RNPEP: variants seen among roughly 807,000 people sequenced by gnomAD.
The protein encoded by RNPEP is aminopeptidase B.
In RNPEP, 57 loss-of-function variants were observed where a neutral mutation model predicts 70.1. That is an observed-to-expected ratio of 0.81 (90% CI 0.66 to 1.01). The LOEUF is 1.01. RNPEP is among the 50% of genes least tolerant of loss of function. The pLI, the probability that RNPEP is intolerant of heterozygous loss-of-function variation, is 0.00. For synonymous variants in RNPEP, 335 were observed against 357.4 expected, an observed-to-expected ratio of 0.94 and a Z score of 0.71; for missense variants, 787 against 852.4, an observed-to-expected ratio of 0.92 and a Z score of 0.96.
rs546546945 is a variant in RNPEP at position 201,990,931 on chromosome 1, A to C, written c.737+1400A>C. 5.4e-4 allele frequency among the ~76,000 whole-genome samples: 83 copies of C among 152,314 alleles called. 1 individual carries two copies. The highest frequency in any genetic ancestry group is 2.6e-4 in the Non-Finnish European group (18 of 68,026). On this transcript the variant is annotated intron_variant, in intron 3 of 10. Transcript: ENST00000295640. ...TGAACTATTAATGGGAAATGAGAGAACAATAGATTCTAAAGATACTGAGTG... is the reference window on the plus strand; with the variant it reads ...TGAACTATTAATGGGAAATGAGAGACCAATAGATTCTAAAGATACTGAGTG...
chr1:202,003,092 A>C (rs1209245812), intron 8 of RNPEP, 145 bp from the exon 9 acceptor site: 1 of 626,316 alleles, frequency 1.6e-6, no homozygotes, highest in East Asian at 2.8e-5. Flanking sequence ...TGGAGCGAAT[A>C]GTTACATGGG....
Position 202,005,710 on chromosome 1 carries a change from C to T in RNPEP, c.1947C>T (p.Gly649=). The part of the protein sequence containing the change: ...NYVQQIVAPK[G]S ...TCCAGCAGATCGTGGCACCCAAGGG[C>T]AGTTAGAGGCTCGTGTGCATGGCCC... The change falls in exon 11 of 11, where the codon GGC becomes GGT. Residue 649 remains glycine (G), a synonymous_variant. Coordinates refer to ENST00000295640, the MANE Select transcript of RNPEP (RefSeq NM_020216.4). 6.2e-7 allele frequency: 1 copy of T among 1,614,196 alleles called. No individual in the cohort carries two copies. Among genetic ancestry groups the T allele is most frequent in the Non-Finnish European group, 8.5e-7 (1 of 1,179,986 alleles).
intron 1 of RNPEP, among the ~76,000 whole-genome samples, chr1:201,988,390 C>T (rs1683204260): frequency 7.3e-6 from 1 of 136,766 alleles, no homozygotes; most frequent in Non-Finnish European, 1.5e-5. Context: ...CCTGGGAGGT[C>T]GAGGTTGCAG....
At position 202,004,418 on chromosome 1, in the gene RNPEP, G is replaced by C; in HGVS notation, c.1716G>C (p.Arg572=). The change falls in exon 10 of 11, where the codon CGG becomes CGC. Residue 572 remains arginine, a synonymous_variant. Coordinates refer to ENST00000295640, the MANE Select transcript of RNPEP (RefSeq NM_020216.4). ...SISNARNAEL[R]LRWGQIVLKN... is the part of the protein sequence containing the mutation. ...CAAATGCCCGGAATGCAGAGCTCCGGCTGCGATGGGGCCAAATCGTCCTTA... is the reference window on the plus strand; with the variant it reads ...CAAATGCCCGGAATGCAGAGCTCCGCCTGCGATGGGGCCAAATCGTCCTTA... 4 of 1,614,158 alleles carry C rather than the reference G, an allele frequency of 2.5e-6. No homozygotes were observed. The highest frequency in any genetic ancestry group is 3.4e-6 in the Non-Finnish European group (4 of 1,180,026).
At chr1:201,992,655 G>A (rs1457605707) in intron 3 of RNPEP, among the ~76,000 whole-genome samples, 2 of 152,006 alleles carry the variant, frequency 1.3e-5, no homozygotes, top group African/African-American at 4.8e-5. Flanking sequence ...CAAGTGTGTG[G>A]TTGGTTACCT....
chr1:201,991,169 C>T (rs1683318551), intron 3 of RNPEP, among the ~76,000 whole-genome samples: 1 of 152,090 alleles, frequency 6.6e-6, no homozygotes, highest in Admixed American at 6.6e-5. Flanking sequence ...GGCTGGAGTG[C>T]AGTGGCGCGA....
intron 10 of RNPEP, among the ~76,000 whole-genome samples, chr1:202,004,796 G>A (rs1484477501): frequency 6.6e-6 from 1 of 152,266 alleles, no homozygotes; most frequent in Non-Finnish European, 1.5e-5. Context: ...GTGTCATGTG[G>A]GAAACACAAG....
Position 201,996,127 on chromosome 1 carries a change from C to A in RNPEP, c.738-20C>A, listed in dbSNP as rs754739719. On this transcript the variant is annotated intron_variant, in intron 3 of 10. Coordinates refer to ENST00000295640, the MANE Select transcript of RNPEP (RefSeq NM_020216.4). ...TGGTCTCTAAACACCATTCTGCTTT[C>A]TCTGCTCTCTTGTCTTTAGGAGCCG... 5.0e-5 allele frequency: 80 copies of A among 1,596,598 alleles called. No individual in the cohort carries two copies. The highest frequency in any genetic ancestry group is 5.0e-4 in the Middle Eastern group (3 of 6,032).
In RNPEP at chr1:202,004,411, A is replaced by T; in HGVS notation, c.1709A>T (p.Glu570Val). ...AGTATCTCAAATGCCCGGAATGCAG[A>T]GCTCCGGCTGCGATGGGGCCAAATC... Reference protein sequence around the residue: ...YPSISNARNAELRLRWGQIVL... With the variant: ...YPSISNARNAVLRLRWGQIVL... The change falls in exon 10 of 11, where the codon GAG (glutamate) becomes GTG (valine). Residue 570 changes from glutamate (E) to valine (V), a missense_variant. Glu to Val is a moderately radical substitution (Grantham distance 121). Coordinates refer to ENST00000295640, the MANE Select transcript of RNPEP (RefSeq NM_020216.4). 6.2e-7 allele frequency: 1 copy of T among 1,614,184 alleles called. No individual in the cohort carries two copies. Among genetic ancestry groups the T allele is most frequent in the South Asian group, 1.1e-5 (1 of 91,088 alleles).
At position 202,003,364 on chromosome 1, in the gene RNPEP, C is replaced by T; in HGVS notation, c.1554C>T (p.Asp518=). The T allele has an allele frequency of 6.2e-7, 1 of 1,614,136 alleles. No individual in the cohort carries two copies. The highest frequency in any genetic ancestry group is 8.5e-7 in the Non-Finnish European group (1 of 1,180,002). The part of the protein sequence containing the change: ...LAQLWAAEEL[D]MKAIEAVAIS... ...AACTGTGGGCAGCCGAGGAGCTGGA[C>T]ATGAAGGCCATTGAAGCCGTGGCCA... Residue 518 remains aspartate (D), a synonymous_variant, in exon 9 of 11, where the codon GAC becomes GAT. Transcript: ENST00000295640.
chr1:201,984,736 T>C (rs1236138231), intron 1 of RNPEP, among the ~76,000 whole-genome samples: 1 of 152,124 alleles, frequency 6.6e-6, no homozygotes, highest in Non-Finnish European at 1.5e-5. Context: ...TTAAATGAGT[T>C]GTCTTTCCAT....
chr1:201,996,481 G>GTGTT (rs1160753727), intron 4 of RNPEP: 11 of 323,466 alleles, frequency 3.4e-5, no homozygotes, highest in Admixed American at 4.6e-5. Flanking sequence ...GTGTGTGTGT[G>GTGTT]TGTGTGTGTG....
At chr1:202,000,989 G>T in intron 6 of RNPEP, 1 of 193,836 alleles carries the variant, frequency 5.2e-6, no homozygotes. Flanking sequence ...GGTGCTCAGT[G>T]GGAAATGCTG....
In RNPEP at chr1:202,003,077, C is replaced by T. The variant is rs147476345; in HGVS notation, c.1427-160C>T. On this transcript the variant is annotated intron_variant, in intron 8 of 10. Transcript: ENST00000295640. ...CTCTAGATGTCGTTATAACTAGGAC[C>T]CTGCTGGAGCGAATAGTTACATGGG... 34 of 608,200 alleles carry T rather than the reference C, an allele frequency of 5.6e-5. No individual in the cohort carries two copies. In the East Asian group the frequency reaches 7.0e-4, roughly 12 times the overall value. 37.7% of individuals were successfully genotyped at this position (608,200 alleles called of 1,614,324 possible).
chr1:201,988,654 C>T (rs1368574878), intron 1 of RNPEP, among the ~76,000 whole-genome samples: 1 of 152,030 alleles, frequency 6.6e-6, no homozygotes, highest in African/African-American at 2.4e-5. Flanking sequence ...TCTGAGATGA[C>T]CCATGGGATG....
chr1:201,987,615 T>G (rs560941164), intron 1 of RNPEP, among the ~76,000 whole-genome samples: 2 of 151,662 alleles, frequency 1.3e-5, no homozygotes, highest in South Asian at 4.2e-4. Flanking sequence ...TTTTTGTATT[T>G]TTAGTAGCAA....
intron 6 of RNPEP, 83 bp downstream of exon 6, chr1:202,000,098 G>T: frequency 1.0e-6 from 1 of 979,754 alleles, no homozygotes; most frequent in Non-Finnish European, 1.6e-6. Context: ...ATGTTGATCA[G>T]TGCACGCTTA....
chr1:202,005,730 T>A lies in RNPEP; in HGVS notation c.*14T>A, dbSNP rs769990348. The A allele has an allele frequency of 6.2e-7, 1 of 1,613,788 alleles. No individual in the cohort carries two copies. The highest frequency in any genetic ancestry group is 1.1e-5 in the South Asian group (1 of 91,076). ...AAGGGCAGTTAGAGGCTCGTGTGCA[T>A]GGCCCCTGCCTCTTCAGGCTCTCCA... is the stretch of plus-strand genomic sequence containing the variant. On this transcript the variant is annotated 3_prime_UTR_variant, in exon 11 of 11. Coordinates refer to ENST00000295640, the MANE Select transcript of RNPEP (RefSeq NM_020216.4).
chr1:201,992,313 A>G (rs1291143421), intron 3 of RNPEP, among the ~76,000 whole-genome samples: 1 of 152,152 alleles, frequency 6.6e-6, no homozygotes, highest in Non-Finnish European at 1.5e-5. Flanking sequence ...GATTGCAGGC[A>G]TGAGCCACAA....
Sources: allele counts gnomAD v4.1 joint callset (sites outside exome capture counted in the v4.1 genomes callset), GRCh38; gene constraint gnomAD v4.1.1; transcripts MANE v1.5; gene names NCBI Gene and HGNC (gene_info 2026-07-23, HGNC 2026-07-21).